The following NRG3 variants were observed in gnomAD, a reference collection of about 807,000 sequenced individuals.
NRG3 encodes pro-neuregulin-3, membrane-bound isoform.
In NRG3, 31 loss-of-function variants were observed where a neutral mutation model predicts 66.9. The observed-to-expected ratio is 0.46, with a 90% CI of 0.35 to 0.63. The LOEUF is 0.63. Among genes scored for constraint, NRG3 ranks in the 20% least tolerant of loss-of-function variants. The pLI, the probability that NRG3 is intolerant of heterozygous loss-of-function variation, is 0.00. For missense variants in NRG3, 910 were observed against 878.9 expected, an observed-to-expected ratio of 1.04 and a Z score of -0.45; for synonymous variants, 393 against 359.4, an observed-to-expected ratio of 1.09 and a Z score of -1.06.
At chr10:82,235,823 G>A (rs74146523) in intron 1 of NRG3, among the ~76,000 whole-genome samples, 5,503 of 152,214 alleles carry the variant, frequency 0.036, 189 homozygotes, top group African/African-American at 0.085. Flanking sequence ...GTTGTCCAGC[G>A]TGTGTCACTT....
rs576032254 is a variant in NRG3 at position 82,939,963 on chromosome 10, A to C, written c.1055-11506A>C. On this transcript the variant is annotated intron_variant, in intron 4 of 8. Transcript: ENST00000372141. ...GCTCAGAAGCTATTGAGTTCACCAG[A>C]GGCTTTTGTAGTGAGGCCCTAGTGC... Among the ~76,000 whole-genome samples, 6 of 151,926 alleles carry C rather than the reference A, an allele frequency of 3.9e-5. No individual in the cohort carries two copies. The East Asian group carries it at 1.2e-3, about 30-fold the overall frequency.
intron 6 of NRG3, among the ~76,000 whole-genome samples, chr10:82,959,634 G>A (rs141565475): frequency 1.9e-3 from 286 of 152,300 alleles, no homozygotes; most frequent in African/African-American, 6.6e-3. Context: ...AGAGCTAGAA[G>A]CCAGAACATG....
At chr10:81,942,886 A>T (rs750797755) in intron 1 of NRG3, among the ~76,000 whole-genome samples, 1 of 152,204 alleles carries the variant, frequency 6.6e-6, no homozygotes, top group African/African-American at 2.4e-5. Context: ...TCTTTTGAGG[A>T]TTAATAACGA....
chr10:82,363,528 T>C (rs555872907), intron 2 of NRG3, among the ~76,000 whole-genome samples: 2 of 152,362 alleles, frequency 1.3e-5, no homozygotes, highest in South Asian at 2.1e-4. Flanking sequence ...TGATCTAGGC[T>C]CACTGCAAAC....
intron 1 of NRG3, among the ~76,000 whole-genome samples, chr10:82,022,880 TTAAC>T (rs981101028): frequency 1.3e-5 from 2 of 151,368 alleles, no homozygotes; most frequent in African/African-American, 4.8e-5. Flanking sequence ...ATATATCTAT[TTAAC>T]TATACATATA....
chr10:81,937,374 A>G (rs1438421441), intron 1 of NRG3, among the ~76,000 whole-genome samples: 3 of 152,060 alleles, frequency 2.0e-5, no homozygotes, highest in African/African-American at 7.2e-5. Flanking sequence ...CAGCTACACC[A>G]TTTTACATTC....
At position 82,913,767 on chromosome 10, in the gene NRG3, C is replaced by T. The variant is rs542949026; in HGVS notation, c.1055-37702C>T. Among the ~76,000 whole-genome samples the T allele has an allele frequency of 3.9e-5, 6 of 152,294 alleles. No homozygotes were observed. The South Asian group carries it at 1.2e-3, about 32-fold the overall frequency. ...TTGTTTTGATTTTGTGCAGATTTAA[C>T]ATGATGCATAATGTAGAGTATTTTC... is the stretch of plus-strand genomic sequence containing the variant. On this transcript the variant is annotated intron_variant, in intron 4 of 8. Coordinates refer to ENST00000372141, the MANE Select transcript of NRG3 (RefSeq NM_001010848.4).
chr10:81,893,796 CTG>C (rs1843253060), intron 1 of NRG3, among the ~76,000 whole-genome samples: 1 of 152,116 alleles, frequency 6.6e-6, no homozygotes. Flanking sequence ...TCTTCATGGG[CTG>C]TGTGTCAGAT....
intron 1 of NRG3, among the ~76,000 whole-genome samples, chr10:82,206,892 G>A (rs2075145008): frequency 6.6e-6 from 1 of 152,212 alleles, no homozygotes; most frequent in South Asian, 2.1e-4. Flanking sequence ...TAAGCCTCAC[G>A]CCAAACTTAT....
In NRG3 at chr10:82,833,070, A is replaced by G. The variant is rs183479866; in HGVS notation, c.1028-32341A>G. Among the ~76,000 whole-genome samples the G allele has an allele frequency of 5.8e-4, 88 of 152,178 alleles. No individual in the cohort carries two copies. In the East Asian group the frequency reaches 9.5e-3, roughly 16 times the overall value. On this transcript the variant is annotated intron_variant, in intron 3 of 8. Transcript: ENST00000372141. ...ACGCTCTGGTAGCTGTATCACTTAG[A>G]ACTCAGGGATGCCATTCTATTAGAA...
intron 1 of NRG3, among the ~76,000 whole-genome samples, chr10:82,338,547 C>G (rs2082512342): frequency 6.6e-6 from 1 of 152,162 alleles, no homozygotes; most frequent in Non-Finnish European, 1.5e-5. Context: ...GGAATCAATA[C>G]AGTACTCAGC....
At chr10:82,521,968 T>C (rs1292837538) in intron 2 of NRG3, among the ~76,000 whole-genome samples, 1 of 152,110 alleles carries the variant, frequency 6.6e-6, no homozygotes, top group Admixed American at 6.5e-5. Context: ...CAGTCTCATC[T>C]TCAGGCTCTA....
At chr10:82,123,252 TAA>T (rs1239931762) in intron 1 of NRG3, among the ~76,000 whole-genome samples, 1 of 152,054 alleles carries the variant, frequency 6.6e-6, no homozygotes, top group Non-Finnish European at 1.5e-5. Context: ...TATCAACAGA[TAA>T]AAATACTAGT....
chr10:82,109,715 G>A (rs999858150), intron 1 of NRG3, among the ~76,000 whole-genome samples: 8 of 152,008 alleles, frequency 5.3e-5, no homozygotes, highest in African/African-American at 1.9e-4. Flanking sequence ...ATAATATTAA[G>A]TGACCATTTA....
chr10:81,895,822 G>T (rs771867902), intron 1 of NRG3, among the ~76,000 whole-genome samples: 32 of 152,114 alleles, frequency 2.1e-4, no homozygotes, highest in Non-Finnish European at 4.6e-4. Context: ...CTTAGATTAG[G>T]CTGCTTTGAA....
chr10:82,662,368 A>C (rs2052433627), intron 2 of NRG3, among the ~76,000 whole-genome samples: 1 of 152,148 alleles, frequency 6.6e-6, no homozygotes, highest in Non-Finnish European at 1.5e-5. Flanking sequence ...TTTAAAAAAA[A>C]AAAAATCATG....
chr10:82,898,715 C>CTTTTTTTTTTTTTTTTTTTTT (rs765058089), intron 4 of NRG3, among the ~76,000 whole-genome samples: 1 of 89,398 alleles, frequency 1.1e-5, no homozygotes, highest in African/African-American at 4.6e-5. Context: ...GGAGTTTTAC[C>CTTTTTTTTTTTTTTTTTTTTT]TTTTTTTTTT....
intron 2 of NRG3, among the ~76,000 whole-genome samples, chr10:82,483,306 G>C (rs995825283): frequency 6.6e-6 from 1 of 152,170 alleles, no homozygotes; most frequent in Admixed American, 6.6e-5. Context: ...GTGGTGACTG[G>C]GTCTCCCAGA....
intron 2 of NRG3, among the ~76,000 whole-genome samples, chr10:82,479,910 GT>G (rs1399600499): frequency 6.6e-6 from 1 of 152,216 alleles, no homozygotes; most frequent in Non-Finnish European, 1.5e-5. Context: ...GGAGTTTGCA[GT>G]GAGCCGAGAT....
Sources: gnomAD v4.1 joint callset for allele counts (sites outside exome capture counted in the v4.1 genomes callset) on GRCh38, gnomAD v4.1.1 for gene constraint, MANE v1.5 for transcripts, NCBI Gene and HGNC (gene_info 2026-07-23, HGNC 2026-07-21) for gene names.